EYA1: variants seen among roughly 807,000 people sequenced by gnomAD.
The protein encoded by EYA1 is protein phosphatase EYA1.
In EYA1, 16 loss-of-function variants were observed where a neutral mutation model predicts 82.0. The observed-to-expected ratio is 0.20, with a 90% CI of 0.13 to 0.30. The LOEUF is 0.30. EYA1 is among the 10% of genes least tolerant of loss of function. The pLI is 1.00. For missense variants in EYA1, 633 were observed against 730.7 expected, an observed-to-expected ratio of 0.87 and a Z score of 1.54; for synonymous variants, 261 against 264.4, an observed-to-expected ratio of 0.99 and a Z score of 0.12.
chr8:71,342,572 T>C (rs1182766400), intron 3 of EYA1, among the ~76,000 whole-genome samples: 1 of 152,134 alleles, frequency 6.6e-6, no homozygotes, highest in Admixed American at 6.6e-5. Context: ...AATGAAGCCC[T>C]CTAACACCAA....
chr8:71,412,518 A>G (rs901404449), intron 2 of EYA1, among the ~76,000 whole-genome samples: 1 of 152,186 alleles, frequency 6.6e-6, no homozygotes, highest in Non-Finnish European at 1.5e-5. Flanking sequence ...AGTGATACAT[A>G]CTGAGATGCT....
At chr8:71,461,063 T>C (rs1348268414) in intron 2 of EYA1, among the ~76,000 whole-genome samples, 2 of 152,232 alleles carry the variant, frequency 1.3e-5, no homozygotes, top group African/African-American at 4.8e-5. Flanking sequence ...CACTGTCCAA[T>C]AGAAATATAA....
Position 71,215,442 on chromosome 8 carries a change from C to T in EYA1, c.1542G>A (p.Leu514=), listed in dbSNP as rs779403959. Residue 514 remains leucine, a synonymous_variant, in exon 16 of 18, where the codon CTG becomes CTA. Transcript: ENST00000340726. ...TTGGAAATACAATTCCTAACCCATA[C>T]AGCAGGACTTTCGCCAATGCTGGGA... is the stretch of plus-strand genomic sequence containing the variant. ...QLIPALAKVL[L]YGLGIVFPIE... The T allele has an allele frequency of 1.2e-6, 2 of 1,612,778 alleles. No individual in the cohort carries two copies. The highest frequency in any genetic ancestry group is 3.3e-5 in the Admixed American group (2 of 60,008).
At chr8:71,487,539 T>C (rs1201473040) in intron 2 of EYA1, among the ~76,000 whole-genome samples, 1 of 152,192 alleles carries the variant, frequency 6.6e-6, no homozygotes, top group Admixed American at 6.5e-5. Context: ...TGCAACCCTC[T>C]TTACTGCCTA....
intron 2 of EYA1, among the ~76,000 whole-genome samples, chr8:71,466,458 C>A (rs1038023526): frequency 6.6e-6 from 1 of 152,064 alleles, no homozygotes; most frequent in East Asian, 1.9e-4. Flanking sequence ...AAGTATTGTG[C>A]ATGCATATAG....
At chr8:71,244,276 T>C (rs1812815205) in intron 12 of EYA1, among the ~76,000 whole-genome samples, 1 of 152,242 alleles carries the variant, frequency 6.6e-6, no homozygotes, top group African/African-American at 2.4e-5. Context: ...ACATAACATA[T>C]GCAAGTGTTA....
At position 71,199,184 on chromosome 8, in the gene EYA1, A is replaced by G; in HGVS notation, c.*156T>C. On this transcript the variant is annotated 3_prime_UTR_variant, in exon 18 of 18. Coordinates refer to ENST00000340726, the MANE Select transcript of EYA1 (RefSeq NM_000503.6). ...TCTGATGAAATAGACGTGGTCCTCC[A>G]TTCACCACAAAGGCAGAGGTCAAGA... 1 of 688,722 alleles carries G rather than the reference A, an allele frequency of 1.5e-6. No individual in the cohort carries two copies. The highest frequency in any genetic ancestry group is 3.7e-4 in the Middle Eastern group (1 of 2,684). The allele number at this position is 688,722 out of a possible 1,614,324, so 42.7% of individuals were successfully genotyped here.
intron 2 of EYA1, among the ~76,000 whole-genome samples, chr8:71,455,547 A>G (rs961963480): frequency 7.2e-5 from 11 of 152,210 alleles, no homozygotes; most frequent in Admixed American, 7.2e-4. Context: ...GCACATCAAA[A>G]GGCTTATCCA....
chr8:71,226,196 T>C (rs556848161), intron 12 of EYA1, among the ~76,000 whole-genome samples: 4 of 150,632 alleles, frequency 2.7e-5, no homozygotes, highest in Non-Finnish European at 5.9e-5. Flanking sequence ...GAAGATTGCA[T>C]GAACACATGT....
intron 2 of EYA1, among the ~76,000 whole-genome samples, chr8:71,405,293 T>C (rs1203134986): frequency 6.6e-6 from 1 of 152,168 alleles, no homozygotes; most frequent in Non-Finnish European, 1.5e-5. Flanking sequence ...TTTAGAACAA[T>C]GATTGCTCAA....
chr8:71,496,364 G>A (rs117145222), intron 2 of EYA1, among the ~76,000 whole-genome samples: 1,902 of 152,232 alleles, frequency 0.012, 15 homozygotes, highest in Non-Finnish European at 0.02. Context: ...TGTATTATGG[G>A]TCTTTGCACT....
intron 2 of EYA1, among the ~76,000 whole-genome samples, chr8:71,413,085 G>A (rs1315692649): frequency 6.6e-6 from 1 of 152,210 alleles, no homozygotes; most frequent in Non-Finnish European, 1.5e-5. Context: ...TATGGAGTGA[G>A]AGGAGGGTGG....
chr8:71,311,133 A>G (rs1408923563), intron 7 of EYA1, among the ~76,000 whole-genome samples: 1 of 152,180 alleles, frequency 6.6e-6, no homozygotes. Context: ...AAGATAGCTC[A>G]TTGTTTTCTG....
At chr8:71,395,776 G>C (rs552681882) in intron 2 of EYA1, among the ~76,000 whole-genome samples, 3 of 151,998 alleles carry the variant, frequency 2.0e-5, no homozygotes, top group Non-Finnish European at 2.9e-5. Flanking sequence ...TCTCTGCCAG[G>C]GTTTGGTATC....
At chr8:71,331,285 C>CACACACACACACACAT (rs554459560) in intron 4 of EYA1, among the ~76,000 whole-genome samples, 1 of 127,474 alleles carries the variant, frequency 7.8e-6, no homozygotes, top group African/African-American at 2.8e-5. Flanking sequence ...CACACACACA[C>CACACACACACACACAT]ATATATATAC....
At chr8:71,379,200 T>A (rs1828551093) in intron 2 of EYA1, among the ~76,000 whole-genome samples, 1 of 152,034 alleles carries the variant, frequency 6.6e-6, no homozygotes, top group Non-Finnish European at 1.5e-5. Context: ...ACCAAGGACC[T>A]GAACAGTAGG....
chr8:71,503,125 TACAGGGGCCTTTC>T (rs1811935558), intron 2 of EYA1, among the ~76,000 whole-genome samples: 2 of 152,214 alleles, frequency 1.3e-5, no homozygotes, highest in South Asian at 4.1e-4. Flanking sequence ...GGTCCTGACT[TACAGGGGCCTTTC>T]ACTAAATACT....
intron 11 of EYA1, among the ~76,000 whole-genome samples, chr8:71,254,629 T>C (rs1814176691): frequency 6.6e-6 from 1 of 152,254 alleles, no homozygotes; most frequent in African/African-American, 2.4e-5. Flanking sequence ...TACTCAATGG[T>C]AAATGTCTGA....
chr8:71,262,304 T>C (rs565106853), intron 11 of EYA1, among the ~76,000 whole-genome samples: 2 of 152,322 alleles, frequency 1.3e-5, no homozygotes, highest in Admixed American at 1.3e-4. Context: ...CCCCTAAATA[T>C]ACTTTATCAC....
Sources: allele counts gnomAD v4.1 joint callset (sites outside exome capture counted in the v4.1 genomes callset), GRCh38; gene constraint gnomAD v4.1.1; transcripts MANE v1.5; gene names NCBI Gene and HGNC (gene_info 2026-07-23, HGNC 2026-07-21).